INTS7: variants seen among roughly 807,000 people sequenced by gnomAD.
INTS7 encodes the protein chromosome 1 open reading frame 73.
In INTS7, 46 loss-of-function variants were observed where a neutral mutation model predicts 109.2. The observed-to-expected ratio is 0.42, with a 90% CI of 0.33 to 0.54. INTS7 has a LOEUF of 0.54. Ranked by LOEUF, INTS7 falls within the 20% of genes least tolerant of loss-of-function variation. The pLI is 0.07. For synonymous variants in INTS7, 412 were observed against 402.9 expected (o/e 1.02, Z -0.27); for missense variants, 929 against 1,132.4 (o/e 0.82, Z 2.58).
chr1:211,994,053 AATG>A (rs1362432629), intron 7 of INTS7, among the ~76,000 whole-genome samples: 3 of 152,210 alleles, frequency 2.0e-5, no homozygotes, highest in Non-Finnish European at 4.4e-5. Flanking sequence ...AACAACCAGC[AATG>A]ATAAGACTGG....
intron 13 of INTS7, among the ~76,000 whole-genome samples, chr1:211,971,422 T>G (rs1021849772): frequency 3.9e-5 from 6 of 152,252 alleles, no homozygotes; most frequent in African/African-American, 1.4e-4. Flanking sequence ...GAAAATAAAT[T>G]GATGTATATT....
intron 7 of INTS7, among the ~76,000 whole-genome samples, chr1:212,001,064 CTTTTTTTTT>C (rs71137715): frequency 2.4e-5 from 3 of 122,852 alleles, no homozygotes; most frequent in Admixed American, 8.4e-5. Context: ...GGCAGAATTC[CTTTTTTTTT>C]TTTTTTTTTT....
chr1:211,965,144 A>AT (rs758401612), intron 16 of INTS7, among the ~76,000 whole-genome samples: 2 of 152,136 alleles, frequency 1.3e-5, no homozygotes, highest in African/African-American at 2.4e-5. Context: ...GGCAAAGGAC[A>AT]TGAACACTTT....
intron 17 of INTS7, among the ~76,000 whole-genome samples, chr1:211,950,699 A>C (rs1663047625): frequency 6.6e-6 from 1 of 152,242 alleles, no homozygotes; most frequent in African/African-American, 2.4e-5. Context: ...AAAGGATGTT[A>C]AGCAATGTGA....
At chr1:211,981,281 A>G (rs1419309913) in intron 9 of INTS7, 91 bp from the exon 10 acceptor site, 1 of 740,658 alleles carries the variant, frequency 1.4e-6, no homozygotes, top group Non-Finnish European at 2.3e-6. Flanking sequence ...CTTAGAAAAA[A>G]CATTAAGGAG....
At chr1:212,014,202 C>T (rs1389632517) in intron 4 of INTS7, among the ~76,000 whole-genome samples, 1 of 152,108 alleles carries the variant, frequency 6.6e-6, no homozygotes, top group African/African-American at 2.4e-5. Flanking sequence ...CACTGGCTCA[C>T]GCCTGTAATT....
chr1:212,007,507 G>T, intron 5 of INTS7, 58 bp from the exon 6 acceptor site: 1 of 1,389,622 alleles, frequency 7.2e-7, no homozygotes, highest in Admixed American at 1.7e-5. Context: ...TAATATTCCA[G>T]ATTTAAAAGC....
chr1:211,948,030 T>C (rs1662917815), intron 17 of INTS7, among the ~76,000 whole-genome samples: 1 of 152,226 alleles, frequency 6.6e-6, no homozygotes, highest in Non-Finnish European at 1.5e-5. Flanking sequence ...ATCTCTAATA[T>C]TTTTCCCACC....
In INTS7 at chr1:211,945,903, T is replaced by G. The variant is rs1662825741; in HGVS notation, c.2415+704A>C. ...CATGTTACTGAAAGGCAGAAGTACT[T>G]TGGAAGAAGAACTGGTGACAGTTTA... On this transcript the variant is annotated intron_variant, in intron 18 of 19. Transcript: ENST00000366994. Among the ~76,000 whole-genome samples the G allele has an allele frequency of 2.0e-5, 3 of 152,226 alleles. No homozygotes were observed. The South Asian group carries it at 6.2e-4, about 32-fold the overall frequency.
chr1:211,948,879 G>C (rs777867083), intron 17 of INTS7, among the ~76,000 whole-genome samples: 3 of 152,148 alleles, frequency 2.0e-5, no homozygotes, highest in Non-Finnish European at 4.4e-5. Flanking sequence ...GGCTAACTTT[G>C]TATTTTTAGT....
Position 211,977,337 on chromosome 1 carries a change from C to T in INTS7, c.1471-618G>A, listed in dbSNP as rs551342363. On this transcript the variant is annotated intron_variant, in intron 11 of 19. Transcript: ENST00000366994. ...CTCAGATTTTTTGAATATTATGTTT[C>T]ATAATTTAAGACAATCTTAAGGTAG... is the stretch of plus-strand genomic sequence containing the variant. Among the ~76,000 whole-genome samples the T allele has an allele frequency of 2.6e-5, 4 of 152,212 alleles. No homozygotes were observed. The South Asian group carries it at 8.3e-4, about 32-fold the overall frequency.
At chr1:211,979,317 A>G (rs1458413092) in intron 10 of INTS7, among the ~76,000 whole-genome samples, 1 of 152,192 alleles carries the variant, frequency 6.6e-6, no homozygotes, top group African/African-American at 2.4e-5. Context: ...GTGGGGTGTC[A>G]GGCACACACA....
intron 1 of INTS7, chr1:212,025,690 G>GAAA (rs78348028): frequency 2.8e-5 from 4 of 144,838 alleles, no homozygotes; most frequent in Middle Eastern, 1.4e-3. Flanking sequence ...GCTGTACCAG[G>GAAA]AAAAAAAAAA....
chr1:212,031,460 T>G (rs991101846), intron 1 of INTS7, among the ~76,000 whole-genome samples: 1 of 152,242 alleles, frequency 6.6e-6, no homozygotes, highest in Non-Finnish European at 1.5e-5. Flanking sequence ...TTAACTCTGC[T>G]TGTGTATGCT....
chr1:211,969,098 C>G (rs1210757540), intron 13 of INTS7, among the ~76,000 whole-genome samples: 2 of 152,050 alleles, frequency 1.3e-5, no homozygotes, highest in African/African-American at 4.8e-5. Flanking sequence ...CCCTGGCTAA[C>G]ATGGTGAAAC....
intron 5 of INTS7, among the ~76,000 whole-genome samples, chr1:212,011,023 C>T (rs934492874): frequency 6.6e-6 from 1 of 152,124 alleles, no homozygotes; most frequent in Non-Finnish European, 1.5e-5. Flanking sequence ...CTTCTCTGAT[C>T]AATATATATA....
At position 211,944,773 on chromosome 1, in the gene INTS7, T is replaced by C. The variant is rs1662781064; in HGVS notation, c.2601+11A>G. ...AACCTGTATCACAATTCTGCCTCTT[T>C]TCTAAATTACCTTGTAGTCTTGTCC... On this transcript the variant is annotated intron_variant, in intron 19 of 19. Transcript: ENST00000366994. 5 of 1,608,590 alleles carry C rather than the reference T, an allele frequency of 3.1e-6. No individual in the cohort carries two copies. The South Asian group carries it at 4.4e-5, about 14-fold the overall frequency.
At chr1:211,993,806 C>T (rs1665249357) in intron 7 of INTS7, among the ~76,000 whole-genome samples, 1 of 151,502 alleles carries the variant, frequency 6.6e-6, no homozygotes, top group African/African-American at 2.4e-5. Flanking sequence ...TATAAACACA[C>T]TAAAAAATGT....
chr1:212,024,286 T>C (rs1423815731), intron 1 of INTS7, among the ~76,000 whole-genome samples: 5 of 152,288 alleles, frequency 3.3e-5, no homozygotes, highest in Admixed American at 1.3e-4. Flanking sequence ...ACTCTGTAGA[T>C]TGCTTTGGGC....
Sources: gnomAD v4.1 joint callset for allele counts (sites outside exome capture counted in the v4.1 genomes callset) on GRCh38, gnomAD v4.1.1 for gene constraint, MANE v1.5 for transcripts, NCBI Gene and HGNC (gene_info 2026-07-23, HGNC 2026-07-21) for gene names.